IL15: variants seen among roughly 807,000 people sequenced by gnomAD.
IL15 encodes the protein interleukin 15.
In IL15, 11 loss-of-function variants were observed where a neutral mutation model predicts 19.6. The ratio of observed to expected loss-of-function variants is 0.56; its 90% CI spans 0.35 to 0.93. IL15 has a LOEUF of 0.93. Ranked by LOEUF, IL15 falls within the 40% of genes least tolerant of loss-of-function variation. The pLI, the probability that IL15 is intolerant of heterozygous loss-of-function variation, is 0.01. For synonymous variants in IL15, 58 were observed against 59.6 expected (o/e 0.97, Z 0.12); for missense variants, 197 against 186.5 (o/e 1.06, Z -0.33).
intron 2 of IL15, among the ~76,000 whole-genome samples, chr4:141,667,414 T>C (rs1728027369): frequency 6.6e-6 from 1 of 152,196 alleles, no homozygotes; most frequent in Non-Finnish European, 1.5e-5. Flanking sequence ...GAGTTGGGTG[T>C]CCACTGCAGA....
chr4:141,686,707 G>T (rs1167964634), intron 2 of IL15, among the ~76,000 whole-genome samples: 2 of 152,120 alleles, frequency 1.3e-5, no homozygotes, highest in Admixed American at 6.5e-5. Flanking sequence ...TTAAGAAAAT[G>T]AATTTCAAAC....
intron 2 of IL15, among the ~76,000 whole-genome samples, chr4:141,658,710 T>G (rs138763104): frequency 2.1e-3 from 317 of 151,616 alleles, no homozygotes; most frequent in African/African-American, 7.3e-3. Context: ...AAAAAGGCAG[T>G]TTATTTTTCC....
chr4:141,653,674 TA>T (rs1727490509), intron 1 of IL15, among the ~76,000 whole-genome samples: 1 of 152,220 alleles, frequency 6.6e-6, no homozygotes, highest in Non-Finnish European at 1.5e-5. Flanking sequence ...GGATGTATAA[TA>T]TTACATTGCA....
At chr4:141,665,156 T>C (rs192964399) in intron 2 of IL15, among the ~76,000 whole-genome samples, 120 of 152,270 alleles carry the variant, frequency 7.9e-4, no homozygotes, top group Non-Finnish European at 1.3e-3. Context: ...TTTTGTTTAT[T>C]ATACATTAAC....
intron 2 of IL15, among the ~76,000 whole-genome samples, chr4:141,665,721 CCTAA>C (rs1375531504): frequency 2.0e-5 from 3 of 152,058 alleles, no homozygotes; most frequent in Non-Finnish European, 2.9e-5. Context: ...CATATTCATT[CCTAA>C]CTATGGTATA....
Position 141,679,640 on chromosome 4 carries a change from T to C in IL15, c.-100+23333T>C, listed in dbSNP as rs190194597. Among the ~76,000 whole-genome samples the C allele has an allele frequency of 2.2e-3, 336 of 152,340 alleles. 7 individuals are homozygous for C. Among genetic ancestry groups the C allele is most frequent in the Admixed American group, 0.02 (306 of 15,298 alleles). ...GCTTACTTTAAATGGGACATGATTATTTCTGCTGTCTAGGATACATGACCA... is the reference window on the plus strand; with the variant it reads ...GCTTACTTTAAATGGGACATGATTACTTCTGCTGTCTAGGATACATGACCA... On this transcript the variant is annotated intron_variant, in intron 2 of 7. Transcript: ENST00000320650.
At chr4:141,647,317 G>T (rs891674996) in intron 1 of IL15, among the ~76,000 whole-genome samples, 1 of 151,996 alleles carries the variant, frequency 6.6e-6, no homozygotes, top group African/African-American at 2.4e-5. Context: ...GGGAATGGAT[G>T]AACTTGATTT....
chr4:141,713,643 T>A (rs1314240937), intron 2 of IL15, among the ~76,000 whole-genome samples: 2 of 152,226 alleles, frequency 1.3e-5, no homozygotes, highest in Admixed American at 6.5e-5. Context: ...GAAAACACAC[T>A]ATACTTGGTT....
At chr4:141,703,557 C>T (rs1729401314) in intron 2 of IL15, among the ~76,000 whole-genome samples, 1 of 151,868 alleles carries the variant, frequency 6.6e-6, no homozygotes, top group Admixed American at 6.6e-5. Context: ...TTTCAGATTC[C>T]TTAGTGGGGA....
intron 6 of IL15, 130 bp from the exon 7 acceptor site, chr4:141,729,717 G>A: frequency 1.8e-6 from 1 of 561,628 alleles, no homozygotes; most frequent in Non-Finnish European, 3.1e-6. Flanking sequence ...TGCCTCCTAT[G>A]TAAAATTTCT....
intron 2 of IL15, among the ~76,000 whole-genome samples, chr4:141,694,527 A>T (rs906978914): frequency 6.6e-6 from 1 of 152,166 alleles, no homozygotes; most frequent in Non-Finnish European, 1.5e-5. Context: ...TCTGGTTGCA[A>T]GGGAGGTGGT....
chr4:141,659,145 G>A (rs950212141), intron 2 of IL15, among the ~76,000 whole-genome samples: 5 of 151,144 alleles, frequency 3.3e-5, no homozygotes, highest in Middle Eastern at 3.5e-3. Flanking sequence ...CACTGTCCCC[G>A]GCCTGTTTTT....
intron 2 of IL15, 60 bp from the exon 3 acceptor site, chr4:141,719,306 C>T: frequency 1.1e-5 from 6 of 544,980 alleles, no homozygotes; most frequent in South Asian, 3.0e-5. Context: ...GTATTAATTC[C>T]CTCCCTTTCT....
chr4:141,719,542 T>A, intron 3 of IL15, 66 bp downstream of exon 3: 1 of 1,278,706 alleles, frequency 7.8e-7, no homozygotes, highest in Non-Finnish European at 1.1e-6. Flanking sequence ...AATCTCAGAG[T>A]CTTTGCAATA....
intron 2 of IL15, among the ~76,000 whole-genome samples, chr4:141,707,985 C>T (rs1179289321): frequency 1.3e-5 from 2 of 152,164 alleles, no homozygotes; most frequent in Non-Finnish European, 2.9e-5. Context: ...AGAGGCAGAG[C>T]TGCTGCAGGA....
At chr4:141,643,150 T>G (rs1578982950) in intron 1 of IL15, among the ~76,000 whole-genome samples, 1 of 152,154 alleles carries the variant, frequency 6.6e-6, no homozygotes, top group African/African-American at 2.4e-5. Flanking sequence ...GGAGTGTAGT[T>G]TCATTCTCAT....
rs562963744 is a variant in IL15 at position 141,656,183 on chromosome 4, C to T, written c.-221-3C>T. ...CTCTTATCCGTACCTTTGACTCTTA[C>T]AGAATCCATTCCAATATATGGCCAT... On this transcript the variant is annotated splice_region_variant and splice_polypyrimidine_tract_variant and intron_variant, in intron 1 of 7. Coordinates refer to ENST00000320650, the MANE Select transcript of IL15 (RefSeq NM_000585.5). The T allele has an allele frequency of 2.5e-6, 1 of 398,198 alleles. No homozygotes were observed. The highest frequency in any genetic ancestry group is 4.4e-5 in the Admixed American group (1 of 22,704). 24.7% of individuals were successfully genotyped at this position (398,198 alleles called of 1,614,324 possible).
rs919045855 is a variant in IL15, at chr4:141,674,462, T to A, written c.-100+18155T>A. On this transcript the variant is annotated intron_variant, in intron 2 of 7. Coordinates refer to ENST00000320650, the MANE Select transcript of IL15 (RefSeq NM_000585.5). ...TTAGCCGGATGTGGTGGCACCTGCC[T>A]GTAATCCCAGCTACTCAGGAGGCTG... is the stretch of plus-strand genomic sequence containing the variant. 2.6e-5 allele frequency among the ~76,000 whole-genome samples: 4 copies of A among 152,138 alleles called. No individual in the cohort carries two copies. In the East Asian group the frequency reaches 5.8e-4, roughly 22 times the overall value.
At chr4:141,697,621 A>G (rs1322725954) in intron 2 of IL15, among the ~76,000 whole-genome samples, 2 of 152,126 alleles carry the variant, frequency 1.3e-5, no homozygotes, top group African/African-American at 2.4e-5. Flanking sequence ...TTTTCACAAT[A>G]TTGATTCTAC....
Sources: allele counts gnomAD v4.1 joint callset (sites outside exome capture counted in the v4.1 genomes callset), GRCh38; gene constraint gnomAD v4.1.1; transcripts MANE v1.5; gene names NCBI Gene and HGNC (gene_info 2026-07-23, HGNC 2026-07-21).